The following TRIM37 variants were observed in gnomAD, a reference collection of about 807,000 sequenced individuals.
The protein encoded by TRIM37 is tripartite motif containing 37.
Under a neutral mutation model 129.8 loss-of-function variants are expected in TRIM37, and 80 were observed. The observed-to-expected ratio is 0.62, with a 90% CI of 0.51 to 0.74. The LOEUF is 0.74. Ranked by LOEUF, TRIM37 falls within the 30% of genes least tolerant of loss-of-function variation. TRIM37 has a pLI of 0.00. For missense variants in TRIM37, 1,054 were observed against 1,176.5 expected (o/e 0.90, Z 1.52); for synonymous variants, 389 against 387.1 (o/e 1.00, Z -0.06).
chr17:59,064,624 T>C (rs898422005), intron 9 of TRIM37, among the ~76,000 whole-genome samples: 4 of 152,124 alleles, frequency 2.6e-5, no homozygotes, highest in Non-Finnish European at 5.9e-5. Context: ...ATAAAAGTTT[T>C]TTGGCTGGGT....
intron 16 of TRIM37, among the ~76,000 whole-genome samples, chr17:59,045,336 A>G (rs2039666982): frequency 6.6e-6 from 1 of 151,738 alleles, no homozygotes; most frequent in Non-Finnish European, 1.5e-5. Flanking sequence ...TTCAAATAAA[A>G]AAAAAAGAAA....
At chr17:59,061,745 T>C (rs1436454970) in intron 11 of TRIM37, among the ~76,000 whole-genome samples, 1 of 152,142 alleles carries the variant, frequency 6.6e-6, no homozygotes, top group Non-Finnish European at 1.5e-5. Context: ...TTATTATAAC[T>C]ACTTGTTTAA....
intron 4 of TRIM37, among the ~76,000 whole-genome samples, chr17:59,087,664 G>A (rs2043894000): frequency 6.6e-6 from 1 of 151,906 alleles, no homozygotes; most frequent in East Asian, 1.9e-4. Flanking sequence ...AATGACCTGT[G>A]AGGTTTCAAC....
At chr17:59,073,191 G>A (rs2042531641) in intron 8 of TRIM37, 1 of 152,130 alleles carries the variant, frequency 6.6e-6, no homozygotes, top group Non-Finnish European at 1.5e-5. Flanking sequence ...CAATTACTAT[G>A]TGTGTACATA....
chr17:59,012,498 C>G, intron 21 of TRIM37, 52 bp from the exon 22 acceptor site: 1 of 1,252,274 alleles, frequency 8.0e-7, no homozygotes, highest in Non-Finnish European at 1.2e-6. Flanking sequence ...ACACAATAAT[C>G]TATATTTTCT....
rs9906355 is a variant in TRIM37 at position 59,009,562 on chromosome 17, C to T, written c.2695+2766G>A. Among the ~76,000 whole-genome samples, 304 of 151,900 alleles carry T rather than the reference C, an allele frequency of 2.0e-3. 2 individuals carry two copies. The highest frequency in any genetic ancestry group is 0.017 in the Middle Eastern group (5 of 294). ...CCGGGTTCAAGCGATTCTCCTGCCT[C>T]AGCCTCCCAAGTAGATGGGATTACA... On this transcript the variant is annotated intron_variant, in intron 22 of 23. Transcript: ENST00000262294.
At chr17:58,990,790 CAAA>C (rs562537494) in intron 24 of TRIM37, among the ~76,000 whole-genome samples, 2 of 74,820 alleles carry the variant, frequency 2.7e-5, no homozygotes, top group Admixed American at 1.6e-4. Flanking sequence ...AACTCTGTCT[CAAA>C]AAAAAAAAAA....
chr17:59,030,478 T>A (rs1039307370), intron 18 of TRIM37, among the ~76,000 whole-genome samples: 8 of 152,250 alleles, frequency 5.3e-5, no homozygotes, highest in Non-Finnish European at 1.2e-4. Flanking sequence ...CAACTCAAGA[T>A]GTTTAAATCC....
chr17:59,068,837 CTCAG>C (rs1383908211), intron 9 of TRIM37, among the ~76,000 whole-genome samples: 2 of 152,114 alleles, frequency 1.3e-5, no homozygotes, highest in Non-Finnish European at 2.9e-5. Flanking sequence ...AACAGTGATT[CTCAG>C]TCAGGGGTGA....
intron 19 of TRIM37, among the ~76,000 whole-genome samples, chr17:59,026,205 G>A (rs556344044): frequency 6.6e-6 from 1 of 152,256 alleles, no homozygotes; most frequent in African/African-American, 2.4e-5. Flanking sequence ...GGGAAAACTG[G>A]ATATCCATGG....
intron 9 of TRIM37, among the ~76,000 whole-genome samples, chr17:59,067,120 T>C (rs1353096910): frequency 6.6e-6 from 1 of 152,156 alleles, no homozygotes; most frequent in Admixed American, 6.5e-5. Flanking sequence ...GCTCACTGAT[T>C]TTGCATTCTT....
At chr17:58,997,140 TC>T (rs1325272716), downstream of TRIM37, among the ~76,000 whole-genome samples, 1 of 152,136 alleles carries the variant, frequency 6.6e-6, no homozygotes, top group Non-Finnish European at 1.5e-5. Context: ...CTGAACAAAT[TC>T]TGTAGTTTGG....
At chr17:58,984,398 C>T (rs1414621386) in intron 24 of TRIM37, 1 of 152,648 alleles carries the variant, frequency 6.6e-6, no homozygotes, top group East Asian at 1.9e-4. Flanking sequence ...TCAAGTGCTT[C>T]CTTCCCCATC....
chr17:59,020,230 C>CAAAAAAAAAAAA lies in TRIM37; in HGVS notation c.2258-2818_2258-2807dup, dbSNP rs58159558. Among the ~76,000 whole-genome samples the CAAAAAAAAAAAA allele has an allele frequency of 1.2e-4, 4 of 32,044 alleles. 1 individual carries two copies. Among genetic ancestry groups the CAAAAAAAAAAAA allele is most frequent in the Non-Finnish European group, 2.0e-4 (4 of 19,602 alleles). The allele number at this position is 32,044 out of a possible 152,430, so 21.0% of individuals were successfully genotyped here. A position where few individuals can be genotyped will look rare whatever the true frequency, so the allele number is the denominator to read the frequency against. ...TGGTGGACAGAGCGAGACTCTGTCT[C>CAAAAAAAAAAAA]AAAAAAAAAAAAAAAAAAAAAAAAA... On this transcript the variant is annotated intron_variant, in intron 19 of 23. Transcript: ENST00000262294.
intron 12 of TRIM37, among the ~76,000 whole-genome samples, chr17:59,057,285 A>G (rs2041035344): frequency 6.6e-6 from 1 of 152,132 alleles, no homozygotes. Context: ...GTGCAATTTC[A>G]GCTCACTGCA....
At chr17:59,031,228 T>A (rs1474663236) in intron 18 of TRIM37, among the ~76,000 whole-genome samples, 1 of 152,222 alleles carries the variant, frequency 6.6e-6, no homozygotes, top group East Asian at 1.9e-4. Context: ...TATATAATAC[T>A]ATTGTTTAAG....
Position 59,106,549 on chromosome 17 carries a change from T to A in TRIM37, c.-88A>T. On this transcript the variant is annotated 5_prime_UTR_variant, in exon 1 of 24. Coordinates refer to ENST00000262294, the MANE Select transcript of TRIM37 (RefSeq NM_015294.6). ...GCCGGCCCGAGGTCGCCAGATCAAA[T>A]CGCCGATAAAAGCCCGGCGCCCACG... 1 of 1,548,622 alleles carries A rather than the reference T, an allele frequency of 6.5e-7. No homozygotes were observed. The highest frequency in any genetic ancestry group is 8.8e-7 in the Non-Finnish European group (1 of 1,131,918).
At chr17:58,977,171 G>A in the TRIM37 span, among the ~76,000 whole-genome samples, 8 of 152,108 alleles carry the variant, frequency 5.3e-5, no homozygotes, top group Admixed American at 2.0e-4. Context: ...AGGGCTGGGC[G>A]CGGTGGCTCA....
intron 23 of TRIM37, among the ~76,000 whole-genome samples, chr17:59,000,398 G>A (rs1467605303): frequency 2.0e-5 from 3 of 152,176 alleles, no homozygotes; most frequent in Non-Finnish European, 2.9e-5. Context: ...TCAGGAGTTC[G>A]AGACCAGGCT....
Sources: allele counts gnomAD v4.1 joint callset (sites outside exome capture counted in the v4.1 genomes callset), GRCh38; gene constraint gnomAD v4.1.1; transcripts MANE v1.5; gene names NCBI Gene and HGNC (gene_info 2026-07-23, HGNC 2026-07-21).